MECOM: variants seen among roughly 807,000 people sequenced by gnomAD.
MECOM encodes histone-lysine N-methyltransferase MECOM.
In MECOM, 13 loss-of-function variants were observed where a neutral mutation model predicts 116.3. The ratio of observed to expected loss-of-function variants is 0.11; its 90% confidence interval spans 0.07 to 0.18. The LOEUF is 0.18. Ranked by LOEUF, MECOM falls within the 10% of genes least tolerant of loss-of-function variation. MECOM has a pLI of 1.00. For missense variants in MECOM, 1,299 were observed against 1,509.0 expected (o/e 0.86, Z 2.31); for synonymous variants, 528 against 535.2 (o/e 0.99, Z 0.19).
chr3:169,168,461 A>G (rs1743943874), intron 2 of MECOM, among the ~76,000 whole-genome samples: 1 of 151,966 alleles, frequency 6.6e-6, no homozygotes, highest in East Asian at 1.9e-4. Context: ...TAGCTTTGAA[A>G]TCAATAAATT....
At chr3:169,093,859 T>C (rs1295970103) in intron 13 of MECOM, among the ~76,000 whole-genome samples, 1 of 152,204 alleles carries the variant, frequency 6.6e-6, no homozygotes, top group East Asian at 1.9e-4. Flanking sequence ...TGTAATATAA[T>C]AGTTCATCAC....
At chr3:169,396,003 T>C (rs576152470) in intron 1 of MECOM, among the ~76,000 whole-genome samples, 2 of 152,306 alleles carry the variant, frequency 1.3e-5, no homozygotes, top group Admixed American at 1.3e-4. Context: ...CCAGAAACTA[T>C]AGAAGCTATC....
intron 2 of MECOM, among the ~76,000 whole-genome samples, chr3:169,186,278 G>T (rs1381765727): frequency 6.6e-6 from 1 of 151,168 alleles, no homozygotes; most frequent in South Asian, 2.1e-4. Flanking sequence ...AAAGAAGAAA[G>T]CTGGTCATGA....
At chr3:169,094,594 T>C (rs1720914173) in intron 13 of MECOM, among the ~76,000 whole-genome samples, 1 of 152,204 alleles carries the variant, frequency 6.6e-6, no homozygotes, top group Non-Finnish European at 1.5e-5. Context: ...ATGTCAATAG[T>C]CTCATATTCC....
At chr3:169,608,048 T>C (rs1022361905) in intron 1 of MECOM, among the ~76,000 whole-genome samples, 1 of 152,204 alleles carries the variant, frequency 6.6e-6, no homozygotes, top group Non-Finnish European at 1.5e-5. Context: ...CTGCTACCAC[T>C]TGCACCCTAT....
At chr3:169,186,530 A>G (rs1173385173) in intron 2 of MECOM, among the ~76,000 whole-genome samples, 1 of 152,144 alleles carries the variant, frequency 6.6e-6, no homozygotes, top group Admixed American at 6.6e-5. Context: ...AATTTATTCT[A>G]GGATCTTTTC....
Position 169,272,008 on chromosome 3 carries a change from C to T in MECOM, c.375+109179G>A, listed in dbSNP as rs374110401. Among the ~76,000 whole-genome samples the T allele has an allele frequency of 9.9e-5, 15 of 152,272 alleles. No individual in the cohort carries two copies. In the South Asian group the frequency reaches 1.5e-3, roughly 15 times the overall value. The stretch of plus-strand genomic sequence containing the variant: ...TTCTGTTCACCACACATTAACCCAG[C>T]GTTCCTCAGAGTGTGACACCCAGGT... On this transcript the variant is annotated intron_variant, in intron 2 of 16. Coordinates refer to ENST00000651503, the MANE Select transcript of MECOM (RefSeq NM_004991.4).
At chr3:169,219,796 G>T (rs931396571) in intron 2 of MECOM, among the ~76,000 whole-genome samples, 56 of 148,898 alleles carry the variant, frequency 3.8e-4, no homozygotes, top group Admixed American at 3.7e-3. Flanking sequence ...ACATTAGTTT[G>T]CTATATATAA....
chr3:169,565,199 G>A (rs879437471), intron 1 of MECOM, among the ~76,000 whole-genome samples: 10 of 152,232 alleles, frequency 6.6e-5, no homozygotes, highest in Admixed American at 3.9e-4. Flanking sequence ...TTCCAATTCC[G>A]AACCCTGTGC....
chr3:169,497,026 T>C (rs1753893838), intron 1 of MECOM, among the ~76,000 whole-genome samples: 1 of 152,202 alleles, frequency 6.6e-6, no homozygotes, highest in Non-Finnish European at 1.5e-5. Flanking sequence ...CTACCATTCC[T>C]TCTGAAAAAG....
At chr3:169,138,333 G>A (rs964481950) in intron 3 of MECOM, among the ~76,000 whole-genome samples, 6 of 152,062 alleles carry the variant, frequency 3.9e-5, no homozygotes, top group Admixed American at 2.6e-4. Flanking sequence ...AAATCCTAGC[G>A]TTATGTCAGT....
At chr3:169,650,215 T>A (rs1040119676) in intron 1 of MECOM, among the ~76,000 whole-genome samples, 1 of 152,284 alleles carries the variant, frequency 6.6e-6, no homozygotes, top group Non-Finnish European at 1.5e-5. Flanking sequence ...ATAGTCTGAT[T>A]ACCCAGTGAA....
chr3:169,309,305 A>G (rs906147311), intron 2 of MECOM, among the ~76,000 whole-genome samples: 2 of 152,270 alleles, frequency 1.3e-5, no homozygotes. Context: ...TCAGAAGTCC[A>G]TGTGAGTATG....
intron 1 of MECOM, among the ~76,000 whole-genome samples, chr3:169,489,717 C>G (rs1451986732): frequency 2.0e-5 from 3 of 151,936 alleles, no homozygotes; most frequent in African/African-American, 7.3e-5. Flanking sequence ...TAGATCCTTA[C>G]CTCGTATGCA....
intron 1 of MECOM, among the ~76,000 whole-genome samples, chr3:169,629,064 A>ACCATC (rs1431294254): frequency 6.7e-6 from 1 of 150,332 alleles, no homozygotes; most frequent in East Asian, 2.0e-4. Flanking sequence ...AATAAAGAAC[A>ACCATC]CCATCCCATC....
intron 1 of MECOM, among the ~76,000 whole-genome samples, chr3:169,545,114 T>C (rs1445770052): frequency 6.6e-6 from 1 of 152,234 alleles, no homozygotes; most frequent in African/African-American, 2.4e-5. Flanking sequence ...TAACACAGCA[T>C]TGTACATGGA....
intron 1 of MECOM, among the ~76,000 whole-genome samples, chr3:169,410,583 C>A (rs1189441118): frequency 1.3e-5 from 2 of 152,086 alleles, no homozygotes; most frequent in Non-Finnish European, 2.9e-5. Context: ...TACTTGTTAT[C>A]AGAGAAGAAA....
chr3:169,087,897 C>CTG, intron 16 of MECOM, among the ~76,000 whole-genome samples: 1 of 152,176 alleles, frequency 6.6e-6, no homozygotes, highest in Admixed American at 6.5e-5. Context: ...CTAGGAGCCT[C>CTG]TGTAGATGGT....
intron 2 of MECOM, among the ~76,000 whole-genome samples, chr3:169,159,436 G>C (rs1385150383): frequency 6.6e-6 from 1 of 152,108 alleles, no homozygotes; most frequent in Non-Finnish European, 1.5e-5. Context: ...GTGGGCACCT[G>C]TAATCCCAGC....
Sources: allele counts gnomAD v4.1 joint callset (sites outside exome capture counted in the v4.1 genomes callset), GRCh38; gene constraint gnomAD v4.1.1; transcripts MANE v1.5; gene names NCBI Gene and HGNC (gene_info 2026-07-23, HGNC 2026-07-21).